Variants in NBAS observed in about 807,000 individuals in gnomAD.
NBAS encodes the protein NBAS subunit of NRZ tethering complex, also known as NAG/BC035112 fusion.
In NBAS, 219 loss-of-function variants were observed where a neutral mutation model predicts 302.5. The ratio of observed to expected loss-of-function variants is 0.72; its 90% CI spans 0.65 to 0.81. The LOEUF is 0.81. NBAS is among the 30% of genes least tolerant of loss of function. The probability of loss-of-function intolerance (pLI) is 0.00; values close to 1 mark genes in which losing one functional copy is unlikely to be tolerated. For synonymous variants in NBAS, 1,118 were observed against 1,021.6 expected (o/e 1.09, Z -1.80); for missense variants, 2,932 against 2,841.6 (o/e 1.03, Z -0.72).
At chr2:15,391,749 A>G (rs1172055437) in intron 28 of NBAS, among the ~76,000 whole-genome samples, 4 of 152,082 alleles carry the variant, frequency 2.6e-5, no homozygotes, top group African/African-American at 9.6e-5. Flanking sequence ...TGTCAAAAAG[A>G]GACATTCACA....
At position 15,555,159 on chromosome 2, in the gene NBAS, G is replaced by A. The variant is rs141506755; in HGVS notation, c.210-1021C>T. Among the ~76,000 whole-genome samples, 6 of 152,120 alleles carry A rather than the reference G, an allele frequency of 3.9e-5. No homozygotes were observed. The East Asian group carries it at 1.2e-3, about 29-fold the overall frequency. ...GCAGCTACACGGGAGGCTAAGGCAG[G>A]AGGATTGCTTGAGCACAGGAGTTTA... On this transcript the variant is annotated intron_variant, in intron 3 of 51. Coordinates refer to ENST00000281513, the MANE Select transcript of NBAS (RefSeq NM_015909.4).
chr2:15,382,724 G>A (rs1419514012), intron 29 of NBAS, among the ~76,000 whole-genome samples: 1 of 152,170 alleles, frequency 6.6e-6, no homozygotes, highest in Non-Finnish European at 1.5e-5. Context: ...TCATGCTAAG[G>A]AGTAGAGCTA....
the NBAS span, among the ~76,000 whole-genome samples, chr2:14,868,405 T>C: frequency 2.0e-5 from 3 of 152,196 alleles, no homozygotes; most frequent in Non-Finnish European, 4.4e-5. Context: ...GACTAAAATT[T>C]CACCATGGCA....
intron 48 of NBAS, among the ~76,000 whole-genome samples, chr2:15,204,958 T>C (rs533605069): frequency 6.6e-6 from 1 of 152,090 alleles, no homozygotes; most frequent in South Asian, 2.1e-4. Flanking sequence ...GGTATACATA[T>C]GTAACAAACC....
chr2:14,887,508 G>A, the NBAS span, among the ~76,000 whole-genome samples: 1 of 152,002 alleles, frequency 6.6e-6, no homozygotes, highest in African/African-American at 2.4e-5. Context: ...CAATGCAGAG[G>A]ACCAGGAGTA....
intron 44 of NBAS, among the ~76,000 whole-genome samples, chr2:15,256,770 T>C (rs1191626127): frequency 3.9e-5 from 6 of 152,210 alleles, no homozygotes; most frequent in Non-Finnish European, 2.9e-5. Flanking sequence ...CATAAAGGGA[T>C]GCTGGATTTT....
chr2:14,922,791 G>A, the NBAS span, among the ~76,000 whole-genome samples: 3 of 152,184 alleles, frequency 2.0e-5, no homozygotes, highest in African/African-American at 7.2e-5. Flanking sequence ...TAACTGAAAG[G>A]AAGTGAAAAA....
intron 51 of NBAS, among the ~76,000 whole-genome samples, chr2:15,176,796 C>G (rs1428816967): frequency 6.6e-6 from 1 of 152,110 alleles, no homozygotes; most frequent in Admixed American, 6.5e-5. Flanking sequence ...AACCTGTATA[C>G]TCTAGTCATG....
chr2:15,560,482 G>A (rs139202983), intron 1 of NBAS, among the ~76,000 whole-genome samples: 1,850 of 152,084 alleles, frequency 0.012, 25 homozygotes, highest in Middle Eastern at 0.02. Context: ...AAAACGCTAG[G>A]TTATGAAAAA....
the NBAS span, among the ~76,000 whole-genome samples, chr2:14,852,681 G>T: frequency 1.4e-5 from 2 of 147,192 alleles, no homozygotes; most frequent in Non-Finnish European, 3.0e-5. Context: ...ATACTACAAG[G>T]CTACAGTAAC....
At chr2:14,859,958 A>G in the NBAS span, among the ~76,000 whole-genome samples, 2 of 152,098 alleles carry the variant, frequency 1.3e-5, no homozygotes, top group Non-Finnish European at 2.9e-5. Flanking sequence ...TAATTAGTAT[A>G]TATAAGGAGC....
the NBAS span, among the ~76,000 whole-genome samples, chr2:15,054,704 A>G: frequency 1.3e-5 from 2 of 152,302 alleles, no homozygotes; most frequent in East Asian, 3.9e-4. Context: ...GAACCTCCAG[A>G]TCGGGCCAAC....
the NBAS span, among the ~76,000 whole-genome samples, chr2:14,785,829 G>A: frequency 6.6e-6 from 1 of 152,136 alleles, no homozygotes; most frequent in Admixed American, 6.6e-5. Context: ...GATGATGCTG[G>A]CCTCATAAAA....
the NBAS span, among the ~76,000 whole-genome samples, chr2:14,791,152 G>A: frequency 1.3e-5 from 2 of 151,922 alleles, no homozygotes; most frequent in Non-Finnish European, 2.9e-5. Flanking sequence ...ACCACGCCGG[G>A]CCCTAATTTT....
At chr2:15,160,227 A>G in the NBAS span, among the ~76,000 whole-genome samples, 1 of 152,120 alleles carries the variant, frequency 6.6e-6, no homozygotes, top group Non-Finnish European at 1.5e-5. Flanking sequence ...GACCAGGTAG[A>G]AAATGCCAGG....
intron 47 of NBAS, among the ~76,000 whole-genome samples, chr2:15,222,679 A>G (rs1283730449): frequency 1.3e-5 from 2 of 152,208 alleles, no homozygotes; most frequent in African/African-American, 4.8e-5. Context: ...AAATTTTAAA[A>G]AAGATAAAAA....
At chr2:14,821,792 C>A in the NBAS span, among the ~76,000 whole-genome samples, 1 of 151,874 alleles carries the variant, frequency 6.6e-6, no homozygotes, top group Admixed American at 6.6e-5. Context: ...GCAGGTGGGT[C>A]ACAAGGTCAG....
At chr2:15,101,566 T>C in the NBAS span, among the ~76,000 whole-genome samples, 1 of 152,170 alleles carries the variant, frequency 6.6e-6, no homozygotes, top group Non-Finnish European at 1.5e-5. Context: ...TTTCATCTCC[T>C]CTGACTTTGA....
chr2:15,345,413 A>C (rs1673044284), intron 35 of NBAS, among the ~76,000 whole-genome samples: 1 of 152,184 alleles, frequency 6.6e-6, no homozygotes, highest in South Asian at 2.1e-4. Flanking sequence ...AATTGCTACA[A>C]AGAGAATAAA....
Sources: gnomAD v4.1 joint callset for allele counts (sites outside exome capture counted in the v4.1 genomes callset) on GRCh38, gnomAD v4.1.1 for gene constraint, MANE v1.5 for transcripts, NCBI Gene and HGNC (gene_info 2026-07-23, HGNC 2026-07-21) for gene names.